Variants in CARS1 observed in about 807,000 individuals in gnomAD.
CARS1 encodes cysteinyl-tRNA synthetase 1, also known as cysteine--tRNA ligase, cytoplasmic.
Under a neutral mutation model 106.2 loss-of-function variants are expected in CARS1, and 48 were observed. The observed-to-expected ratio is 0.45, with a 90% CI of 0.36 to 0.57. CARS1 has a LOEUF of 0.57. CARS1 is among the 20% of genes least tolerant of loss of function. CARS1 has a pLI of 0.00. For synonymous variants in CARS1, 409 were observed against 403.4 expected (o/e 1.01, Z -0.17); for missense variants, 968 against 1,057.2 (o/e 0.92, Z 1.17).
rs370847319 is a variant in CARS1, at chr11:3,020,420, T to C, written c.1154-88A>G. 42 of 757,758 alleles carry C rather than the reference T, an allele frequency of 5.5e-5. No homozygotes were observed. In the African/African-American group the frequency reaches 5.7e-4, roughly 10 times the overall value. 46.9% of individuals were successfully genotyped at this position (757,758 alleles called of 1,614,324 possible). A position where few individuals can be genotyped will look rare whatever the true frequency, so the allele number is the denominator to read the frequency against. ...CTTCAAGGCCATCCACGGTGCCTAA[T>C]GGGCAGTCCTTCTGACTAACTTCTG... On this transcript the variant is annotated intron_variant, in intron 10 of 22. Coordinates refer to ENST00000380525, the MANE Select transcript of CARS1 (RefSeq NM_001014437.3). This position sits in a 1 kb window ranked among gnomAD's most constrained non-coding sequence, Gnocchi z 4.6.
chr11:3,004,721 G>C lies in CARS1; in HGVS notation c.2217+645C>G, dbSNP rs368778486. 1.3e-5 allele frequency among the ~76,000 whole-genome samples: 2 copies of C among 152,218 alleles called. No individual in the cohort carries two copies. Among genetic ancestry groups the C allele is most frequent in the Admixed American group, 1.3e-4 (2 of 15,286 alleles). On this transcript the variant is annotated intron_variant, in intron 20 of 22. Coordinates refer to ENST00000380525, the MANE Select transcript of CARS1 (RefSeq NM_001014437.3). The surrounding 1 kb of genome is among the most constrained non-coding windows in gnomAD (Gnocchi z 5.2). ...TCCCTGATCCTGGGGGCGTTGTGGG[G>C]TGCAGGTGGGGAGTATGCTGGGAAT...
chr11:3,032,616 TGAA>T (rs1853002382), intron 7 of CARS1, among the ~76,000 whole-genome samples: 1 of 151,732 alleles, frequency 6.6e-6, no homozygotes, highest in Non-Finnish European at 1.5e-5. Context: ...TGATCAGAGG[TGAA>T]GTATTCTGTT....
intron 10 of CARS1, among the ~76,000 whole-genome samples, chr11:3,025,342 C>T (rs1174214398): frequency 1.3e-5 from 2 of 152,178 alleles, no homozygotes; most frequent in Non-Finnish European, 2.9e-5. Flanking sequence ...ATTCTCATGC[C>T]TCAGCCTCCT....
Position 3,031,984 on chromosome 11 carries a change from C to CTCCTTCCTTCCT in CARS1, c.802-2553_802-2542dup, listed in dbSNP as rs1423537013. Among the ~76,000 whole-genome samples the CTCCTTCCTTCCT allele has an allele frequency of 2.7e-3, 91 of 34,210 alleles. 9 individuals are homozygous for CTCCTTCCTTCCT. Among genetic ancestry groups the CTCCTTCCTTCCT allele is most frequent in the Non-Finnish European group, 4.2e-3 (63 of 14,934 alleles). The allele number at this position is 34,210 out of a possible 152,430, so 22.4% of individuals were successfully genotyped here. ...ACCAGTGCACTCTGTTCTTTTCTTT[C>CTCCTTCCTTCCT]TCCTTCCTTCCTTCCCTCCCTCCCT... On this transcript the variant is annotated intron_variant, in intron 7 of 22. Coordinates refer to ENST00000380525, the MANE Select transcript of CARS1 (RefSeq NM_001014437.3).
At position 3,001,075 on chromosome 11, in the gene CARS1, C is replaced by G. The variant is rs1412571734; in HGVS notation, c.*39G>C. 1 of 1,609,030 alleles carries G rather than the reference C, an allele frequency of 6.2e-7. No homozygotes were observed. Reference sequence around the variant, plus strand: ...TTGTCACTGAGGCAGACAGCAGCCACTAGTCCACAATGGTTTAAAAAGTCA... The same window carrying G: ...TTGTCACTGAGGCAGACAGCAGCCAGTAGTCCACAATGGTTTAAAAAGTCA... On this transcript the variant is annotated 3_prime_UTR_variant, in exon 23 of 23. Coordinates refer to ENST00000380525, the MANE Select transcript of CARS1 (RefSeq NM_001014437.3).
At chr11:3,012,325 A>T (rs1850561401) in intron 17 of CARS1, 49 bp from the exon 18 acceptor site, 1 of 1,512,044 alleles carries the variant, frequency 6.6e-7, no homozygotes, top group African/African-American at 1.4e-5. Flanking sequence ...ACACTCCCAT[A>T]TTCATAACAG....
chr11:3,033,890 G>A (rs976777762), intron 7 of CARS1, among the ~76,000 whole-genome samples: 2 of 152,208 alleles, frequency 1.3e-5, no homozygotes, highest in Non-Finnish European at 2.9e-5. Flanking sequence ...ATACCTGTGA[G>A]AGACAGCATG....
In CARS1 at chr11:3,041,084, A is replaced by C. The variant is rs973069102; in HGVS notation, c.367-100T>G. On this transcript the variant is annotated intron_variant, in intron 3 of 22. Coordinates refer to ENST00000380525, the MANE Select transcript of CARS1 (RefSeq NM_001014437.3). This position sits in a 1 kb window ranked among gnomAD's most constrained non-coding sequence, Gnocchi z 4.9. ...AAACATCACAGTGTGGTTTGTGTTT[A>C]GTGTAAACAATTCAACAGAGACCAT... is the stretch of plus-strand genomic sequence containing the variant. 1 of 1,588,228 alleles carries C rather than the reference A, an allele frequency of 6.3e-7. No homozygotes were observed. Among genetic ancestry groups the C allele is most frequent in the Non-Finnish European group, 8.6e-7 (1 of 1,162,920 alleles).
rs973548182 is a variant in CARS1, at chr11:3,000,970, C to T, written c.*144G>A. 2.6e-5 allele frequency: 23 copies of T among 895,202 alleles called. No individual in the cohort carries two copies. Among genetic ancestry groups the T allele is most frequent in the Middle Eastern group, 2.8e-4 (1 of 3,548 alleles). The allele number at this position is 895,202 out of a possible 1,614,324, so 55.5% of individuals were successfully genotyped here. A position where few individuals can be genotyped will look rare whatever the true frequency, so the allele number is the denominator to read the frequency against. ...TTTATTATCAATGTCTCAGAGCCAA[C>T]GACGACACGAACCTACATGAACACA... On this transcript the variant is annotated 3_prime_UTR_variant, in exon 23 of 23. Coordinates refer to ENST00000380525, the MANE Select transcript of CARS1 (RefSeq NM_001014437.3). This position sits in a 1 kb window ranked among gnomAD's most constrained non-coding sequence, Gnocchi z 7.1.
intron 7 of CARS1, among the ~76,000 whole-genome samples, chr11:3,032,281 C>A (rs575806181): frequency 6.6e-6 from 1 of 151,970 alleles, no homozygotes; most frequent in Non-Finnish European, 1.5e-5. Context: ...CCATGTTGGC[C>A]GGGATGGTCT....
intron 17 of CARS1, among the ~76,000 whole-genome samples, chr11:3,012,556 T>TCAG (rs1850587515): frequency 6.6e-6 from 1 of 152,238 alleles, no homozygotes; most frequent in African/African-American, 2.4e-5. Flanking sequence ...GCCCAGCTGC[T>TCAG]GACAGGCCCT....
intron 10 of CARS1, among the ~76,000 whole-genome samples, chr11:3,024,052 C>G (rs1239228697): frequency 6.6e-6 from 1 of 152,142 alleles, no homozygotes; most frequent in Non-Finnish European, 1.5e-5. Context: ...GCCACCACAC[C>G]CGGCTAATTT....
At position 3,053,014 on chromosome 11, in the gene CARS1, G is replaced by A. The variant is rs1855843924; in HGVS notation, c.25+4329C>T. 6.6e-6 allele frequency among the ~76,000 whole-genome samples: 1 copy of A among 152,198 alleles called. No homozygotes were observed. Among genetic ancestry groups the A allele is most frequent in the Non-Finnish European group, 1.5e-5 (1 of 68,042 alleles). On this transcript the variant is annotated intron_variant, in intron 1 of 22. Coordinates refer to ENST00000380525, the MANE Select transcript of CARS1 (RefSeq NM_001014437.3). The surrounding 1 kb of genome is among the most constrained non-coding windows in gnomAD (Gnocchi z 6.6). ...AGGGACATGGGAATGTCCCAAAGGTGGATGGTGGTTGTCACCGGCTACAAA... is the reference window on the plus strand; with the variant it reads ...AGGGACATGGGAATGTCCCAAAGGTAGATGGTGGTTGTCACCGGCTACAAA...
At chr11:3,012,337 A>G (rs1850562595) in intron 17 of CARS1, 61 bp from the exon 18 acceptor site, 3 of 1,452,618 alleles carry the variant, frequency 2.1e-6, no homozygotes, top group Middle Eastern at 1.7e-4. Context: ...TCATAACAGA[A>G]TAATAGCTCA....
chr11:3,042,456 G>A (rs910446126), intron 2 of CARS1, 200 bp from the exon 3 acceptor site: 19 of 551,306 alleles, frequency 3.4e-5, no homozygotes, highest in African/African-American at 5.8e-5. Context: ...ACGGAGTCTC[G>A]CTCTGTCGCC....
chr11:3,032,052 CTCCCTCCCTCCTTCCTTCCT>C (rs1343952218), intron 7 of CARS1, among the ~76,000 whole-genome samples: 371 of 13,516 alleles, frequency 0.027, 13 homozygotes, highest in African/African-American at 0.09. Flanking sequence ...CCCTCCCTCC[CTCCCTCCCTCCTTCCTTCCT>C]TCCTTCCTTC....
chr11:3,057,278 G>A, intron 1 of CARS1, 65 bp downstream of exon 1: 2 of 1,433,846 alleles, frequency 1.4e-6, no homozygotes, highest in African/African-American at 1.4e-5. Flanking sequence ...TGCCCTTCGA[G>A]CCGAGCACCC....
intron 1 of CARS1, among the ~76,000 whole-genome samples, chr11:3,054,284 G>T (rs1855978209): frequency 6.6e-6 from 1 of 152,100 alleles, no homozygotes. Flanking sequence ...CTCCTTACTG[G>T]GAGGGAGGTT....
At position 3,029,177 on chromosome 11, in the gene CARS1, T is replaced by TA; in HGVS notation, c.943-94dup. 7.0e-7 allele frequency: 1 copy of TA among 1,424,344 alleles called. No homozygotes were observed. Among genetic ancestry groups the TA allele is most frequent in the Non-Finnish European group, 9.9e-7 (1 of 1,010,362 alleles). 88.2% of individuals were successfully genotyped at this position (1,424,344 alleles called of 1,614,324 possible). On this transcript the variant is annotated intron_variant, in intron 8 of 22. Coordinates refer to ENST00000380525, the MANE Select transcript of CARS1 (RefSeq NM_001014437.3). This position sits in a 1 kb window ranked among gnomAD's most constrained non-coding sequence, Gnocchi z 5.9. ...CCAATTCATAAAACGAAAAGCCCATTATGCCCCTCAACTCAAGTTCAATGT... is the reference window on the plus strand; with the variant it reads ...CCAATTCATAAAACGAAAAGCCCATTAATGCCCCTCAACTCAAGTTCAATGT...
Sources: allele counts gnomAD v4.1 joint callset (sites outside exome capture counted in the v4.1 genomes callset), GRCh38; gene constraint gnomAD v4.1.1; non-coding constraint Gnocchi (gnomAD v3.1); transcripts MANE v1.5; gene names NCBI Gene and HGNC (gene_info 2026-07-23, HGNC 2026-07-21).